WDR64: variants seen among roughly 807,000 people sequenced by gnomAD.
WDR64 encodes WD repeat domain 64, also known as WD repeat-containing protein 64.
WDR64 carries 112 observed loss-of-function variants against 139.3 expected under a neutral mutation model. The observed-to-expected ratio is 0.80, with a 90% CI of 0.69 to 0.94. The LOEUF is 0.94. Ranked by LOEUF, WDR64 falls within the 40% of genes least tolerant of loss-of-function variation. WDR64 has a pLI of 0.00. For missense variants in WDR64, 1,206 were observed against 1,293.1 expected (o/e 0.93, Z 1.03); for synonymous variants, 444 against 437.7 (o/e 1.01, Z -0.18).
chr1:241,703,600 G>A lies in WDR64; in HGVS notation c.975-8202G>A, dbSNP rs1667817972. Reference sequence around the variant, plus strand: ...TTTCTATTCTGTGTGACTCCGGGAAGTGGTTATTGTTAATCAGGTATTTGT... The same window carrying A: ...TTTCTATTCTGTGTGACTCCGGGAAATGGTTATTGTTAATCAGGTATTTGT... On this transcript the variant is annotated intron_variant, in intron 8 of 27. Transcript: ENST00000437684. The surrounding 1 kb of genome is among the most constrained non-coding windows in gnomAD (Gnocchi z 5.9). Among the ~76,000 whole-genome samples, 1 of 152,120 alleles carries A rather than the reference G, an allele frequency of 6.6e-6. No individual in the cohort carries two copies. The highest frequency in any genetic ancestry group is 6.5e-5 in the Admixed American group (1 of 15,274).
At chr1:241,702,522 A>C (rs1574022558) in intron 8 of WDR64, among the ~76,000 whole-genome samples, 1 of 74,288 alleles carries the variant, frequency 1.3e-5, no homozygotes. Context: ...AATTTAAAGG[A>C]AAAAAAAAAA....
At chr1:241,769,976 C>CT (rs1658365123) in intron 17 of WDR64, among the ~76,000 whole-genome samples, 1 of 152,128 alleles carries the variant, frequency 6.6e-6, no homozygotes, top group Non-Finnish European at 1.5e-5. Flanking sequence ...GAAAAAATCC[C>CT]TTTTTTCCTA....
chr1:241,756,236 T>C lies in WDR64; in HGVS notation c.1771-1047T>C, dbSNP rs140092446. On this transcript the variant is annotated intron_variant, in intron 14 of 27. Coordinates refer to ENST00000437684, the MANE Select transcript of WDR64 (RefSeq NM_001367482.1). ...TTTGTTTGTGTCCTCTCTTATTTCC[T>C]TGAGCAGTGGTTTATAGTTCTCCTT... 9.1e-3 allele frequency among the ~76,000 whole-genome samples: 1,385 copies of C among 152,300 alleles called. 25 individuals carry two copies. The highest frequency in any genetic ancestry group is 0.032 in the African/African-American group (1,335 of 41,558).
intron 1 of WDR64, among the ~76,000 whole-genome samples, chr1:241,659,610 T>C (rs1484340564): frequency 1.3e-5 from 2 of 152,354 alleles, no homozygotes; most frequent in South Asian, 2.1e-4. Context: ...TTCTGACTGG[T>C]ATAAGATATT....
At chr1:241,662,575 G>T (rs1038691856) in intron 2 of WDR64, among the ~76,000 whole-genome samples, 2 of 152,124 alleles carry the variant, frequency 1.3e-5, no homozygotes, top group Non-Finnish European at 2.9e-5. Context: ...TTTATATAAT[G>T]TAACATAATC....
chr1:241,751,926 G>T (rs542328372), intron 14 of WDR64, among the ~76,000 whole-genome samples: 13 of 152,226 alleles, frequency 8.5e-5, no homozygotes, highest in Non-Finnish European at 1.9e-4. Flanking sequence ...AGAAAAATTT[G>T]CCCCCAAGCC....
At chr1:241,745,699 C>T (rs1265299755) in intron 13 of WDR64, among the ~76,000 whole-genome samples, 1 of 152,138 alleles carries the variant, frequency 6.6e-6, no homozygotes, top group East Asian at 1.9e-4. Context: ...GATCCTCCCT[C>T]CTTGGCCTCC....
chr1:241,673,215 G>T (rs1178823205), intron 3 of WDR64, among the ~76,000 whole-genome samples: 2 of 151,588 alleles, frequency 1.3e-5, no homozygotes, highest in Non-Finnish European at 1.5e-5. Context: ...AGCATTAGGA[G>T]ATACACCTAA....
intron 23 of WDR64, among the ~76,000 whole-genome samples, chr1:241,786,862 A>G (rs925340119): frequency 6.6e-6 from 1 of 152,238 alleles, no homozygotes; most frequent in Non-Finnish European, 1.5e-5. Context: ...CTAAGCAGCC[A>G]TAAAAAAGAA....
At position 241,718,954 on chromosome 1, in the gene WDR64, G is replaced by T. The variant is rs577678770; in HGVS notation, c.1055-4343G>T. ...ATTGGAACCTAATTATCTCCCAAAG[G>T]CCCCCCATTTCCAAACACCATCGTG... On this transcript the variant is annotated intron_variant, in intron 9 of 27. Transcript: ENST00000437684. Among the ~76,000 whole-genome samples, 3 of 152,076 alleles carry T rather than the reference G, an allele frequency of 2.0e-5. No homozygotes were observed. The South Asian group carries it at 6.2e-4, about 32-fold the overall frequency.
At chr1:241,768,250 T>TAG (rs762954113) in intron 16 of WDR64, among the ~76,000 whole-genome samples, 2 of 152,256 alleles carry the variant, frequency 1.3e-5, no homozygotes, top group Non-Finnish European at 2.9e-5. Flanking sequence ...TATAGGCAGA[T>TAG]GATTATATAA....
chr1:241,734,065 A>G (rs1389661781), intron 10 of WDR64, among the ~76,000 whole-genome samples: 1 of 152,164 alleles, frequency 6.6e-6, no homozygotes, highest in South Asian at 2.1e-4. Context: ...CTTGCCTCCC[A>G]TTCTATGCAA....
chr1:241,723,354 A>G lies in WDR64; in HGVS notation c.1112A>G (p.Lys371Arg). Residue 371 changes from lysine (K) to arginine (R), a missense_variant, in exon 10 of 28, where the codon AAA becomes AGA. Lys to Arg is a conservative substitution (Grantham distance 26, BLOSUM62 2). Coordinates refer to ENST00000437684, the MANE Select transcript of WDR64 (RefSeq NM_001367482.1). ...AATATCAGCACCAAGCCAGTAGGGA[A>G]ACTTGTAGGACACATGTTCAGTATC... ...HPNISTKPVG[K>R]LVGHMFSIAE... The G allele has an allele frequency of 6.2e-7, 1 of 1,614,096 alleles. No homozygotes were observed. Among genetic ancestry groups the G allele is most frequent in the Non-Finnish European group, 8.5e-7 (1 of 1,179,954 alleles).
At chr1:241,731,897 TAA>T (rs1669094204) in intron 10 of WDR64, among the ~76,000 whole-genome samples, 1 of 152,220 alleles carries the variant, frequency 6.6e-6, no homozygotes, top group African/African-American at 2.4e-5. Flanking sequence ...TTGAATTTCC[TAA>T]ACAGTGTTGA....
At chr1:241,798,838 C>T (rs985369191) in intron 27 of WDR64, among the ~76,000 whole-genome samples, 2 of 152,014 alleles carry the variant, frequency 1.3e-5, no homozygotes, top group East Asian at 1.9e-4. Context: ...ATCATTTATA[C>T]GTCTCTTTAG....
chr1:241,731,928 G>C (rs1558496106), intron 10 of WDR64, among the ~76,000 whole-genome samples: 2 of 152,072 alleles, frequency 1.3e-5, no homozygotes, highest in Admixed American at 1.3e-4. Flanking sequence ...CATTTATACT[G>C]TACTGTCATA....
At chr1:241,738,828 T>A (rs759316412) in intron 11 of WDR64, among the ~76,000 whole-genome samples, 5 of 152,224 alleles carry the variant, frequency 3.3e-5, no homozygotes, top group Non-Finnish European at 5.9e-5. Context: ...AGGTTATTGC[T>A]TTAAGTTCTT....
chr1:241,703,063 T>C lies in WDR64; in HGVS notation c.975-8739T>C, dbSNP rs1009460062. Among the ~76,000 whole-genome samples the C allele has an allele frequency of 5.9e-5, 9 of 152,170 alleles. No individual in the cohort carries two copies. Among genetic ancestry groups the C allele is most frequent in the Admixed American group, 1.3e-4 (2 of 15,288 alleles). ...TTAGGGCCACTTTTTAAAAATGCCT[T>C]ACCTGAGGCATTCTGAAATTTCTTT... On this transcript the variant is annotated intron_variant, in intron 8 of 27. Coordinates refer to ENST00000437684, the MANE Select transcript of WDR64 (RefSeq NM_001367482.1). This position sits in a 1 kb window ranked among gnomAD's most constrained non-coding sequence, Gnocchi z 5.9.
rs997192262 is a variant in WDR64 at position 241,769,411 on chromosome 1, C to T, written c.2089C>T (p.Pro697Ser). 2.6e-6 allele frequency: 4 copies of T among 1,551,280 alleles called. No homozygotes were observed. In the South Asian group the frequency reaches 3.6e-5, roughly 14 times the overall value. Residue 697 changes from proline (P) to serine (S), a missense_variant, in exon 17 of 28, where the codon CCT becomes TCT. By Grantham distance (74) the Pro-to-Ser change is moderately conservative. Coordinates refer to ENST00000437684, the MANE Select transcript of WDR64 (RefSeq NM_001367482.1). The stretch of plus-strand genomic sequence containing the variant: ...ATGTATACTTACTTCTAGGTACCGA[C>T]CTGAAGATTGCTTCACTGTAAACCC... ...VTSTVKKVYRPEDCFTVNPDL... is the reference protein window; with the variant it reads ...VTSTVKKVYRSEDCFTVNPDL...
Sources: allele counts gnomAD v4.1 joint callset (sites outside exome capture counted in the v4.1 genomes callset), GRCh38; gene constraint gnomAD v4.1.1; non-coding constraint Gnocchi (gnomAD v3.1); transcripts MANE v1.5; gene names NCBI Gene and HGNC (gene_info 2026-07-23, HGNC 2026-07-21).